Variants in PARD3 observed in about 807,000 individuals in gnomAD.
PARD3 encodes the protein par-3 family cell polarity regulator.
Under a neutral mutation model 155.4 loss-of-function variants are expected in PARD3, and 75 were observed. The ratio of observed to expected loss-of-function variants is 0.48; its 90% confidence interval spans 0.40 to 0.58. PARD3 has a LOEUF of 0.58. Ranked by LOEUF, PARD3 falls within the 20% of genes least tolerant of loss-of-function variation. The pLI is 0.00. For synonymous variants in PARD3, 576 were observed against 610.5 expected, an observed-to-expected ratio of 0.94 and a Z score of 0.83; for missense variants, 1,642 against 1,721.7, an observed-to-expected ratio of 0.95 and a Z score of 0.82.
intron 4 of PARD3, among the ~76,000 whole-genome samples, chr10:34,453,052 T>C (rs1373949870): frequency 6.6e-6 from 1 of 152,200 alleles, no homozygotes; most frequent in Non-Finnish European, 1.5e-5. Flanking sequence ...TGCACCACTT[T>C]CTGGCACAGG....
At chr10:34,301,824 T>TTC (rs1459773166) in intron 20 of PARD3, among the ~76,000 whole-genome samples, 1 of 124,326 alleles carries the variant, frequency 8.0e-6, no homozygotes. Flanking sequence ...CTTTCTTTTT[T>TTC]TTTTTTTTTT....
At chr10:34,811,503 C>A (rs547632109) in intron 1 of PARD3, among the ~76,000 whole-genome samples, 1 of 152,276 alleles carries the variant, frequency 6.6e-6, no homozygotes, top group Middle Eastern at 3.4e-3. Flanking sequence ...AGCCTTCCCA[C>A]CAACCAAGCC....
intron 2 of PARD3, among the ~76,000 whole-genome samples, chr10:34,630,192 C>T (rs1048973781): frequency 2.6e-5 from 4 of 152,208 alleles, no homozygotes; most frequent in Non-Finnish European, 5.9e-5. Flanking sequence ...TGCACTTACT[C>T]GGCATGGAGC....
In PARD3 at chr10:34,401,844, A is replaced by G. The variant is rs1029892456; in HGVS notation, c.788T>C (p.Ile263Thr). ...AACTTACTCCAGAGAAAAGTTGGGT[A>G]TATGCTCCAAACCCGTGTCAGCATG... Reference protein sequence around the residue: ...VGHADTGLEHIPNFSLDDMVK... With the variant: ...VGHADTGLEHTPNFSLDDMVK... Residue 263 changes from isoleucine to threonine, a missense_variant, in exon 6 of 25, where the codon ATA becomes ACA. Physicochemically the swap from Ile to Thr is moderately conservative, Grantham distance 89 (BLOSUM62 -1). This residue lies in a region of PARD3 where 1,529 missense variants were observed against 1,587.3 expected (regional missense o/e 0.96). Coordinates refer to ENST00000374788, the MANE Select transcript of PARD3 (RefSeq NM_001184785.2). The G allele has an allele frequency of 2.5e-6, 4 of 1,612,802 alleles. No homozygotes were observed. Among genetic ancestry groups the G allele is most frequent in the Admixed American group, 1.7e-5 (1 of 59,988 alleles).
intron 18 of PARD3, among the ~76,000 whole-genome samples, chr10:34,335,398 T>C (rs1209424340): frequency 6.6e-6 from 1 of 152,054 alleles, no homozygotes; most frequent in Non-Finnish European, 1.5e-5. Flanking sequence ...AACTACATCA[T>C]ACTGGATACA....
chr10:34,775,574 G>A (rs556169075), intron 1 of PARD3, among the ~76,000 whole-genome samples: 3 of 152,162 alleles, frequency 2.0e-5, no homozygotes, highest in Admixed American at 2.0e-4. Context: ...CAAGCAGAAT[G>A]CAAGGCTGCC....
chr10:34,166,745 C>A (rs567821964), intron 22 of PARD3, among the ~76,000 whole-genome samples: 1 of 152,146 alleles, frequency 6.6e-6, no homozygotes, highest in Non-Finnish European at 1.5e-5. Flanking sequence ...CAAGCACCCC[C>A]ACAACACACA....
intron 22 of PARD3, among the ~76,000 whole-genome samples, chr10:34,180,266 C>T (rs1433148471): frequency 6.6e-6 from 1 of 152,126 alleles, no homozygotes; most frequent in African/African-American, 2.4e-5. Context: ...AGGATGGTCT[C>T]GGTCTCCTCA....
chr10:34,368,532 C>CTT (rs1301163489), intron 12 of PARD3, among the ~76,000 whole-genome samples: 2 of 152,012 alleles, frequency 1.3e-5, no homozygotes, highest in Non-Finnish European at 2.9e-5. Context: ...ATTAGCCAGG[C>CTT]ATGGTGGCGG....
intron 22 of PARD3, among the ~76,000 whole-genome samples, chr10:34,196,607 T>C (rs1950951765): frequency 7.2e-6 from 1 of 139,272 alleles, no homozygotes; most frequent in South Asian, 2.4e-4. Context: ...GGAGTCTCGC[T>C]CTGTCGCCCA....
chr10:34,221,991 A>C (rs544513739), intron 22 of PARD3, among the ~76,000 whole-genome samples: 5 of 152,328 alleles, frequency 3.3e-5, no homozygotes, highest in Admixed American at 2.6e-4. Context: ...AATGTTACTG[A>C]ACTGTACCCT....
intron 1 of PARD3, among the ~76,000 whole-genome samples, chr10:34,809,328 G>A (rs918773664): frequency 2.0e-5 from 3 of 152,110 alleles, no homozygotes; most frequent in African/African-American, 4.8e-5. Flanking sequence ...CTCAGCCACC[G>A]CTTCAAGCAT....
At chr10:34,730,579 T>C (rs557393626) in intron 1 of PARD3, among the ~76,000 whole-genome samples, 1 of 151,922 alleles carries the variant, frequency 6.6e-6, no homozygotes. Context: ...AGCCCAGGAG[T>C]TGTACACCAG....
At chr10:34,162,081 T>C (rs1430152410) in intron 22 of PARD3, among the ~76,000 whole-genome samples, 3 of 152,128 alleles carry the variant, frequency 2.0e-5, no homozygotes, top group Non-Finnish European at 2.9e-5. Flanking sequence ...CCTAGGCAGA[T>C]AGGGAAGGGT....
intron 2 of PARD3, among the ~76,000 whole-genome samples, chr10:34,603,257 G>C (rs894977476): frequency 6.6e-6 from 1 of 152,198 alleles, no homozygotes; most frequent in African/African-American, 2.4e-5. Context: ...AGAACCACCT[G>C]CCTGGTGCTC....
intron 15 of PARD3, chr10:34,343,854 G>GA: frequency 1.0e-6 from 1 of 982,738 alleles, no homozygotes; most frequent in Non-Finnish European, 1.2e-6. Context: ...GTAGAGGAGT[G>GA]AAACAATGAA....
intron 5 of PARD3, among the ~76,000 whole-genome samples, chr10:34,411,368 CA>C (rs910320924): frequency 2.0e-5 from 3 of 152,078 alleles, no homozygotes; most frequent in African/African-American, 7.2e-5. Flanking sequence ...GTGTGTCTGC[CA>C]GGGTGTTTTT....
At chr10:34,643,641 C>T in intron 2 of PARD3, among the ~76,000 whole-genome samples, 1 of 152,156 alleles carries the variant, frequency 6.6e-6, no homozygotes, top group Non-Finnish European at 1.5e-5. Flanking sequence ...AATTATAGGT[C>T]AGGTGTGGCG....
chr10:34,187,219 A>T (rs1464069214), intron 22 of PARD3, among the ~76,000 whole-genome samples: 2 of 152,180 alleles, frequency 1.3e-5, no homozygotes, highest in Non-Finnish European at 2.9e-5. Context: ...CCATTTAGAG[A>T]TGCTTTAATA....
Sources: gnomAD v4.1 joint callset for allele counts (sites outside exome capture counted in the v4.1 genomes callset) on GRCh38, gnomAD v4.1.1 for gene constraint, gnomAD v4.1.1 regional missense constraint, MANE v1.5 for transcripts, NCBI Gene and HGNC (gene_info 2026-07-23, HGNC 2026-07-21) for gene names.